Variants in LAMB3 observed in about 807,000 individuals in gnomAD.
The protein encoded by LAMB3 is laminin subunit beta 3.
A neutral mutation model predicts 140.3 loss-of-function variants in LAMB3; 104 were observed. The ratio of observed to expected loss-of-function variants is 0.74; its 90% CI spans 0.63 to 0.87. The LOEUF is 0.87. Among genes scored for constraint, LAMB3 ranks in the 40% least tolerant of loss-of-function variants. The pLI is 0.00. For synonymous variants in LAMB3, 592 were observed against 602.9 expected (o/e 0.98, Z 0.26); for missense variants, 1,531 against 1,575.2 (o/e 0.97, Z 0.47).
chr1:209,616,338 A>C, intron 22 of LAMB3, 133 bp downstream of exon 22: 1 of 1,044,304 alleles, frequency 9.6e-7, no homozygotes, highest in Non-Finnish European at 1.5e-6. Flanking sequence ...CTAGATGCCC[A>C]GAAAAAATCT....
At chr1:209,617,640 G>A in intron 20 of LAMB3, 54 bp from the exon 21 acceptor site, 3 of 1,596,244 alleles carry the variant, frequency 1.9e-6, no homozygotes, top group Admixed American at 3.3e-5. Context: ...AGGTCGGGGG[G>A]TTCATCCCCA....
intron 3 of LAMB3, among the ~76,000 whole-genome samples, chr1:209,640,909 C>G (rs543254613): frequency 9.2e-5 from 14 of 151,584 alleles, no homozygotes; most frequent in South Asian, 2.1e-4. Context: ...GTGAAACCCC[C>G]TCTCTACTAA....
At chr1:209,631,625 T>C (rs1383219829) in intron 8 of LAMB3, among the ~76,000 whole-genome samples, 1 of 152,178 alleles carries the variant, frequency 6.6e-6, no homozygotes, top group African/African-American at 2.4e-5. Context: ...AAAGTGGTGA[T>C]TCCACTGCAT....
At chr1:209,618,157 C>G in intron 19 of LAMB3, 109 bp from the exon 20 acceptor site, 1 of 1,401,704 alleles carries the variant, frequency 7.1e-7, no homozygotes, top group Middle Eastern at 2.2e-4. Context: ...CCAGCCAAGG[C>G]AAAGAGCAAG....
intron 3 of LAMB3, among the ~76,000 whole-genome samples, chr1:209,640,868 T>G (rs2102450635): frequency 6.6e-6 from 1 of 151,848 alleles, no homozygotes; most frequent in East Asian, 2.0e-4. Flanking sequence ...GATCACGAGG[T>G]CAGGAGATCG....
intron 10 of LAMB3, 21 bp from the exon 11 acceptor site, chr1:209,628,211 C>T (rs1666547401): frequency 1.3e-6 from 2 of 1,552,068 alleles, no homozygotes; most frequent in Non-Finnish European, 1.7e-6. Context: ...ACAGCAGCCA[C>T]CGCAGTAGGA....
intron 18 of LAMB3, 64 bp from the exon 19 acceptor site, chr1:209,618,723 C>T: frequency 1.3e-6 from 2 of 1,497,114 alleles, no homozygotes; most frequent in Middle Eastern, 3.5e-4. Flanking sequence ...CGAGGCCTCT[C>T]CTAGCTGAGC....
Position 209,618,655 on chromosome 1 carries a change from G to A in LAMB3, c.2706C>T (p.Pro902=), listed in dbSNP as rs776286182. 22 of 1,507,692 alleles carry A rather than the reference G, an allele frequency of 1.5e-5. No homozygotes were observed. Among genetic ancestry groups the A allele is most frequent in the Middle Eastern group, 1.7e-4 (1 of 5,876 alleles). 93.4% of individuals were successfully genotyped at this position (1,507,692 alleles called of 1,614,324 possible). ...IQQVRDFLTD[P]DTDAATIQEV... is the part of the protein sequence containing the mutation. The stretch of plus-strand genomic sequence containing the variant: ...CCTGGATAGTGGCTGCATCAGTGTC[G>A]GGGTCTGGAAGACAACACGCATTTG... The change falls in exon 19 of 23, where the codon CCC becomes CCT. Residue 902 remains proline (P), a synonymous_variant. Coordinates refer to ENST00000356082, the MANE Select transcript of LAMB3 (RefSeq NM_000228.3).
intron 5 of LAMB3, among the ~76,000 whole-genome samples, chr1:209,636,806 A>G (rs528226791): frequency 1.1e-4 from 17 of 152,308 alleles, no homozygotes; most frequent in African/African-American, 3.8e-4. Flanking sequence ...AGCCCTCCCA[A>G]GACAGACCAT....
chr1:209,643,692 GA>G (rs1435322153), intron 3 of LAMB3, among the ~76,000 whole-genome samples: 3 of 151,998 alleles, frequency 2.0e-5, no homozygotes, highest in Non-Finnish European at 4.4e-5. Flanking sequence ...GGGAGAATAG[GA>G]AAACAGGCTC....
intron 3 of LAMB3, among the ~76,000 whole-genome samples, chr1:209,643,527 G>A (rs2076489362): frequency 6.6e-6 from 1 of 152,212 alleles, no homozygotes. Context: ...CAGCAGTCTG[G>A]CTGGAAGATG....
At chr1:209,640,649 C>T (rs1420214576) in intron 3 of LAMB3, among the ~76,000 whole-genome samples, 1 of 152,020 alleles carries the variant, frequency 6.6e-6, no homozygotes, top group Non-Finnish European at 1.5e-5. Flanking sequence ...TTTCATAGTA[C>T]ATATCTCCAC....
chr1:209,626,994 A>G lies in LAMB3; in HGVS notation c.1486-16T>C. 1.9e-6 allele frequency: 3 copies of G among 1,561,464 alleles called. No individual in the cohort carries two copies. Among genetic ancestry groups the G allele is most frequent in the Non-Finnish European group, 2.6e-6 (3 of 1,135,034 alleles). On this transcript the variant is annotated splice_polypyrimidine_tract_variant and intron_variant, in intron 12 of 22. Coordinates refer to ENST00000356082, the MANE Select transcript of LAMB3 (RefSeq NM_000228.3). ...GCCCTGTGAACTGCGTGGGGAGAGC[A>G]CCGTCAGTGGACCCTGCCTCACAGC...
Position 209,623,260 on chromosome 1 carries a change from G to A in LAMB3, c.2359-81C>T, listed in dbSNP as rs1666277064. ...CCACCCCACACCTGGGAAACCAACA[G>A]CCAGACATCTCCATGACAACCAAGC... On this transcript the variant is annotated intron_variant, in intron 16 of 22. Transcript: ENST00000356082. The surrounding 1 kb of genome is among the most constrained non-coding windows in gnomAD (Gnocchi z 4.2). 1.5e-6 allele frequency: 2 copies of A among 1,376,074 alleles called. No individual in the cohort carries two copies. The highest frequency in any genetic ancestry group is 2.4e-5 in the East Asian group (1 of 41,704). The allele number at this position is 1,376,074 out of a possible 1,614,324, so 85.2% of individuals were successfully genotyped here.
At position 209,616,549 on chromosome 1, in the gene LAMB3, C is replaced by T; in HGVS notation, c.3304G>A (p.Gly1102Ser). 6.2e-7 allele frequency: 1 copy of T among 1,614,162 alleles called. No homozygotes were observed. The highest frequency in any genetic ancestry group is 8.5e-7 in the Non-Finnish European group (1 of 1,180,020). Residue 1102 changes from glycine to serine, a missense_variant, in exon 22 of 23, where the codon GGT becomes AGT. Physicochemically the swap from Gly to Ser is moderately conservative, Grantham distance 56. Coordinates refer to ENST00000356082, the MANE Select transcript of LAMB3 (RefSeq NM_000228.3). ...LGQSSMLGEQGARIQSVKTEA... is the reference protein window; with the variant it reads ...LGQSSMLGEQSARIQSVKTEA... The stretch of plus-strand genomic sequence containing the variant: ...GTCTTCACACTCTGGATCCGGGCAC[C>T]CTGCTCACCCAGCATGGAACTCTGA...
intron 3 of LAMB3, among the ~76,000 whole-genome samples, chr1:209,640,899 G>A (rs1167594721): frequency 6.6e-6 from 1 of 151,796 alleles, no homozygotes; most frequent in African/African-American, 2.4e-5. Flanking sequence ...GGCTAACACA[G>A]TGAAACCCCC....
At chr1:209,625,518 A>G in intron 14 of LAMB3, 130 bp downstream of exon 14, 1 of 1,213,446 alleles carries the variant, frequency 8.2e-7, no homozygotes, top group Non-Finnish European at 1.2e-6. Context: ...TAATGGTTGA[A>G]AGAGAGAGCA....
At position 209,633,076 on chromosome 1, in the gene LAMB3, T is replaced by C; in HGVS notation, c.622A>G (p.Ile208Val). ...GAGAAGTAACCACACTGACCTTGAA[T>C]TTTTTGACTTTGAGTTGCTGGAATC... ...SGIPATQSQK[I>V]QEVGEITNLR... The change falls in exon 7 of 23, where the codon ATT becomes GTT. Residue 208 changes from isoleucine to valine, a missense_variant. Transcript: ENST00000356082. The C allele has an allele frequency of 1.2e-6, 2 of 1,608,186 alleles. No homozygotes were observed. The highest frequency in any genetic ancestry group is 1.7e-6 in the Non-Finnish European group (2 of 1,174,606).
At chr1:209,648,883 A>G (rs1345804846) in intron 3 of LAMB3, among the ~76,000 whole-genome samples, 1 of 152,164 alleles carries the variant, frequency 6.6e-6, no homozygotes, top group Non-Finnish European at 1.5e-5. Context: ...TATTTTTTTA[A>G]AAATTCAATA....
Sources: allele counts gnomAD v4.1 joint callset (sites outside exome capture counted in the v4.1 genomes callset), GRCh38; gene constraint gnomAD v4.1.1; non-coding constraint Gnocchi (gnomAD v3.1); transcripts MANE v1.5; gene names NCBI Gene and HGNC (gene_info 2026-07-23, HGNC 2026-07-21).